Variants in HYDIN observed in about 807,000 individuals in gnomAD.
HYDIN encodes axonemal central pair apparatus protein HYDIN.
A neutral mutation model predicts 403.9 loss-of-function variants in HYDIN; 132 were observed. The ratio of observed to expected loss-of-function variants is 0.33; its 90% CI spans 0.28 to 0.38. HYDIN has a LOEUF of 0.38. Ranked by LOEUF, HYDIN falls within the 10% of genes least tolerant of loss-of-function variation. The probability of loss-of-function intolerance (pLI) is 1.00; values close to 1 mark genes in which losing one functional copy is unlikely to be tolerated. For missense variants in HYDIN, 2,827 were observed against 5,009.5 expected (o/e 0.56, Z 13.15); for synonymous variants, 1,202 against 1,891.7 (o/e 0.64, Z 9.46).
At chr16:71,176,683 G>A (rs971669793) in intron 4 of HYDIN, among the ~76,000 whole-genome samples, 8 of 152,212 alleles carry the variant, frequency 5.3e-5, no homozygotes, top group Admixed American at 1.3e-4. Flanking sequence ...CAGTCTCAGA[G>A]CAGCTCCCAA....
chr16:70,844,785 T>G (rs2038084592), intron 75 of HYDIN, among the ~76,000 whole-genome samples: 1 of 146,708 alleles, frequency 6.8e-6, no homozygotes, highest in Admixed American at 6.8e-5. Flanking sequence ...GATTCCTAGG[T>G]ATTTTATTCT....
At position 71,048,771 on chromosome 16, in the gene HYDIN, T is replaced by C. The variant is rs537955177; in HGVS notation, c.2529+11733A>G. Among the ~76,000 whole-genome samples the C allele has an allele frequency of 7.2e-5, 11 of 152,354 alleles. 1 individual carries two copies. Among genetic ancestry groups the C allele is most frequent in the Admixed American group, 5.9e-4 (9 of 15,306 alleles). On this transcript the variant is annotated intron_variant, in intron 18 of 85. Transcript: ENST00000393567. ...TCAAAAAACTATCTATTGGGTATTA[T>C]TTTATTACCTGGGTGACAAAATAAT...
At chr16:71,007,256 C>T (rs976741995) in intron 23 of HYDIN, among the ~76,000 whole-genome samples, 2 of 152,136 alleles carry the variant, frequency 1.3e-5, no homozygotes, top group African/African-American at 4.8e-5. Flanking sequence ...CTTATCCACC[C>T]ACCTTGTGCC....
At chr16:70,920,483 G>A (rs2143812830) in intron 46 of HYDIN, 108 bp downstream of exon 46, 3 of 695,432 alleles carry the variant, frequency 4.3e-6, no homozygotes, top group Middle Eastern at 2.7e-4. Flanking sequence ...AGAGATGCAT[G>A]CAGTTGAGGG....
intron 7 of HYDIN, among the ~76,000 whole-genome samples, chr16:71,141,147 A>G (rs1195711314): frequency 4.0e-5 from 6 of 150,492 alleles, no homozygotes; most frequent in African/African-American, 1.2e-4. Context: ...GAGACAGATC[A>G]GTGGAATAGA....
rs554813575 is a variant in HYDIN at position 70,906,612 on chromosome 16, G to A, written c.8516+760C>T. ...GCATGCAAGCCTCATAAGAATAACA[G>A]CGCACGAACAGCCTGCCCTGCGCTC... On this transcript the variant is annotated intron_variant, in intron 50 of 85. Coordinates refer to ENST00000393567, the MANE Select transcript of HYDIN (RefSeq NM_001270974.2). Among the ~76,000 whole-genome samples, 465 of 152,142 alleles carry A rather than the reference G, an allele frequency of 3.1e-3. 1 individual carries two copies. Among genetic ancestry groups the A allele is most frequent in the Non-Finnish European group, 4.0e-3 (275 of 68,008 alleles).
intron 16 of HYDIN, chr16:71,063,038 GGAATGAAT>G (rs1205182171): frequency 6.6e-6 from 1 of 152,076 alleles, no homozygotes; most frequent in Non-Finnish European, 1.5e-5. Context: ...TTTAAAGTGA[GGAATGAAT>G]GAATGAATGA....
intron 28 of HYDIN, among the ~76,000 whole-genome samples, chr16:70,984,036 T>A (rs1290447814): frequency 1.3e-5 from 2 of 152,278 alleles, no homozygotes; most frequent in Non-Finnish European, 2.9e-5. Context: ...AAGCAGGCAT[T>A]CAAGTCACAA....
intron 23 of HYDIN, among the ~76,000 whole-genome samples, chr16:71,011,356 C>T (rs1393416325): frequency 1.3e-5 from 2 of 152,224 alleles, no homozygotes; most frequent in East Asian, 3.8e-4. Context: ...TAACCAGCCA[C>T]ATCTGATTCG....
At chr16:71,217,892 T>C (rs236009) in intron 1 of HYDIN, among the ~76,000 whole-genome samples, 105,257 of 152,068 alleles carry the variant, frequency 0.69, 38,222 homozygotes, top group African/African-American at 0.91. Flanking sequence ...AGCCACATAT[T>C]AACTGGTGAA....
At chr16:71,074,471 C>G (rs964699538) in intron 13 of HYDIN, among the ~76,000 whole-genome samples, 1 of 151,900 alleles carries the variant, frequency 6.6e-6, no homozygotes, top group Admixed American at 6.6e-5. Context: ...CACCTGAGGT[C>G]AGGAGTTCCA....
In HYDIN at chr16:70,802,325, T is replaced by C. The variant is rs977645770; in HGVS notation, c.*5255A>G. ...GCTATGCATCACTCACATGATTATA[T>C]TATGTAATATCGCAGAAGAGATTTT... On this transcript the variant is annotated 3_prime_UTR_variant, in exon 86 of 86. Transcript: ENST00000393567. The C allele has an allele frequency of 6.6e-5, 10 of 152,202 alleles. No individual in the cohort carries two copies. The highest frequency in any genetic ancestry group is 2.4e-4 in the African/African-American group (10 of 41,434). 9.4% of individuals were successfully genotyped at this position (152,202 alleles called of 1,614,324 possible). A position where few individuals can be genotyped will look rare whatever the true frequency, so the allele number is the denominator to read the frequency against.
rs544183892 is a variant in HYDIN, at chr16:71,034,315, C to A, written c.2530-2398G>T. ...TCTATGGGGGCTCAGGTACAATGGA[C>A]TGGAAACCTCCTGACAAACTTAGGT... On this transcript the variant is annotated intron_variant, in intron 18 of 85. Coordinates refer to ENST00000393567, the MANE Select transcript of HYDIN (RefSeq NM_001270974.2). 6.9e-3 allele frequency among the ~76,000 whole-genome samples: 1,047 copies of A among 151,932 alleles called. 7 individuals are homozygous for A. The highest frequency in any genetic ancestry group is 0.024 in the African/African-American group (1,002 of 41,470).
At chr16:71,211,564 C>A (rs192812666) in intron 1 of HYDIN, among the ~76,000 whole-genome samples, 2,768 of 151,274 alleles carry the variant, frequency 0.018, 42 homozygotes, top group Non-Finnish European at 0.03. Context: ...ATGGCTTGAA[C>A]CCGGGAGGCG....
At chr16:71,056,092 G>A (rs2081877142) in intron 18 of HYDIN, among the ~76,000 whole-genome samples, 1 of 150,680 alleles carries the variant, frequency 6.6e-6, no homozygotes, top group African/African-American at 2.4e-5. Context: ...TGCCAACAGG[G>A]CCTTTCCATT....
chr16:71,218,796 G>A (rs1184813735), intron 1 of HYDIN, among the ~76,000 whole-genome samples: 1 of 152,098 alleles, frequency 6.6e-6, no homozygotes, highest in Non-Finnish European at 1.5e-5. Context: ...ATTCCCTCTA[G>A]CAGCAAAAGG....
intron 80 of HYDIN, among the ~76,000 whole-genome samples, chr16:70,830,687 A>T (rs1011332301): frequency 6.6e-6 from 1 of 151,322 alleles, no homozygotes; most frequent in Admixed American, 6.6e-5. Context: ...AAGAGCCAAT[A>T]GCATTTACTT....
intron 23 of HYDIN, among the ~76,000 whole-genome samples, chr16:71,000,762 G>T (rs56003635): frequency 1.3e-3 from 197 of 151,954 alleles, no homozygotes; most frequent in Non-Finnish European, 2.5e-3. Context: ...CTGACCCACC[G>T]CAGCAGAAGA....
chr16:70,848,090 T>C (rs2038345671), intron 75 of HYDIN, among the ~76,000 whole-genome samples: 1 of 143,092 alleles, frequency 7.0e-6, no homozygotes, highest in South Asian at 2.4e-4. Flanking sequence ...GATTTTCTTT[T>C]ACCATAACAA....
Sources: gnomAD v4.1 joint callset for allele counts (sites outside exome capture counted in the v4.1 genomes callset) on GRCh38, gnomAD v4.1.1 for gene constraint, MANE v1.5 for transcripts, NCBI Gene and HGNC (gene_info 2026-07-23, HGNC 2026-07-21) for gene names.